TNS3: variants seen among roughly 807,000 people sequenced by gnomAD.
The protein encoded by TNS3 is tensin 3, also known as tensin-3.
A neutral mutation model predicts 140.9 loss-of-function variants in TNS3; 45 were observed. The observed-to-expected ratio is 0.32, with a 90% CI of 0.25 to 0.41. The LOEUF (loss-of-function observed/expected upper bound fraction) is 0.41. TNS3 is among the 10% of genes least tolerant of loss of function. TNS3 has a pLI of 1.00. For missense variants in TNS3, 1,716 were observed against 1,906.7 expected (o/e 0.90, Z 1.86); for synonymous variants, 815 against 788.4 (o/e 1.03, Z -0.56).
intron 1 of TNS3, among the ~76,000 whole-genome samples, chr7:47,558,409 C>T (rs1800252784): frequency 6.6e-6 from 1 of 151,882 alleles, no homozygotes; most frequent in Non-Finnish European, 1.5e-5. Flanking sequence ...GTCCCACACC[C>T]TCCTCCATGC....
chr7:47,361,070 T>C, intron 17 of TNS3, among the ~76,000 whole-genome samples: 1 of 151,334 alleles, frequency 6.6e-6, no homozygotes, highest in Non-Finnish European at 1.5e-5. Flanking sequence ...CTCTGCAGAG[T>C]TGGAGGCCAA....
intron 13 of TNS3, chr7:47,405,602 A>C (rs772409966): frequency 1.3e-5 from 9 of 702,988 alleles, no homozygotes; most frequent in Non-Finnish European, 1.3e-5. Context: ...TGCAAACGAA[A>C]ACACAACCAA....
chr7:47,426,845 G>C (rs939531147), intron 9 of TNS3, among the ~76,000 whole-genome samples: 11 of 152,152 alleles, frequency 7.2e-5, no homozygotes, highest in Admixed American at 6.5e-4. Context: ...CTCAGGTGTG[G>C]CTGGGCGTGG....
At chr7:47,428,521 G>T in intron 8 of TNS3, 145 bp from the exon 9 acceptor site, 1 of 518,976 alleles carries the variant, frequency 1.9e-6, no homozygotes. Context: ...CTTCCTGTCT[G>T]GGAAAGTCAG....
intron 2 of TNS3, among the ~76,000 whole-genome samples, chr7:47,514,529 C>T (rs1404861940): frequency 2.0e-5 from 3 of 152,162 alleles, no homozygotes; most frequent in African/African-American, 7.2e-5. Context: ...CTCCCTTCAT[C>T]CCACTTTCCC....
chr7:47,435,302 C>A lies in TNS3; in HGVS notation c.304G>T (p.Val102Leu). ...CTCACCCTGCAGTGAATGACGACCA[C>A]ATGCTGGAGGTTGCTGTTCAGCCAG... ...ESWLNSNLQH[V>L]VVIHCRGGKG... Residue 102 changes from valine to leucine, a missense_variant, in exon 8 of 31, where the codon GTG becomes TTG. By Grantham distance (32) the Val-to-Leu change is conservative (BLOSUM62 1). This residue lies in a region of TNS3 where 337 missense variants were observed against 428.9 expected (regional missense o/e 0.79). Transcript: ENST00000311160. The A allele has an allele frequency of 2.5e-6, 4 of 1,614,148 alleles. No homozygotes were observed. Among genetic ancestry groups the A allele is most frequent in the Non-Finnish European group, 2.5e-6 (3 of 1,180,026 alleles).
chr7:47,328,972 AG>A (rs746011977), intron 20 of TNS3, among the ~76,000 whole-genome samples: 27 of 152,296 alleles, frequency 1.8e-4, no homozygotes, highest in Non-Finnish European at 2.8e-4. Flanking sequence ...CTCATCTAAA[AG>A]GCCAAACTCC....
At chr7:47,396,975 A>C in intron 15 of TNS3, 71 bp from the exon 16 acceptor site, 4 of 1,133,662 alleles carry the variant, frequency 3.5e-6, no homozygotes, top group Non-Finnish European at 5.4e-6. Context: ...ACTCCACCAT[A>C]AGGACAGGTG....
intron 10 of TNS3, among the ~76,000 whole-genome samples, chr7:47,420,000 T>C (rs1448068443): frequency 6.6e-6 from 1 of 152,186 alleles, no homozygotes; most frequent in African/African-American, 2.4e-5. Context: ...ATTAAACTCT[T>C]TCTCTACTGC....
intron 12 of TNS3, 98 bp downstream of exon 12, chr7:47,413,839 C>A: frequency 6.8e-7 from 1 of 1,473,210 alleles, no homozygotes; most frequent in Non-Finnish European, 9.4e-7. Flanking sequence ...CCTGAACCCT[C>A]CCACACTCTT....
intron 3 of TNS3, among the ~76,000 whole-genome samples, chr7:47,489,623 G>A (rs367951039): frequency 6.6e-6 from 1 of 152,316 alleles, no homozygotes; most frequent in African/African-American, 2.4e-5. Flanking sequence ...CCACTGGTAG[G>A]GAATATAATA....
chr7:47,392,969 T>G (rs1792614895), intron 16 of TNS3, among the ~76,000 whole-genome samples: 1 of 151,798 alleles, frequency 6.6e-6, no homozygotes, highest in African/African-American at 2.4e-5. Flanking sequence ...CCTGCAGGAG[T>G]GCAGCAATAA....
In TNS3 at chr7:47,401,202, C is replaced by A. The variant is rs112052163; in HGVS notation, c.724-288G>T. Among the ~76,000 whole-genome samples, 338 of 152,344 alleles carry A rather than the reference C, an allele frequency of 2.2e-3. 2 individuals are homozygous for A. Among genetic ancestry groups the A allele is most frequent in the African/African-American group, 8.0e-3 (331 of 41,578 alleles). On this transcript the variant is annotated intron_variant, in intron 13 of 30. Transcript: ENST00000311160. ...ACCGCAGCTCTGAACACCACTATCGCTAGTCCTCAGAGAGGCCACACCTAA... is the reference window on the plus strand; with the variant it reads ...ACCGCAGCTCTGAACACCACTATCGATAGTCCTCAGAGAGGCCACACCTAA...
In TNS3 at chr7:47,280,203, A is replaced by C; in HGVS notation, c.4167-13T>G. ...ATCTTTGATCCACCTTGCAAATTAAAGAGAAAAACAGAGGTTAATTTTTTT... is the reference window on the plus strand; with the variant it reads ...ATCTTTGATCCACCTTGCAAATTAACGAGAAAAACAGAGGTTAATTTTTTT... On this transcript the variant is annotated splice_polypyrimidine_tract_variant and intron_variant, in intron 29 of 30. Coordinates refer to ENST00000311160, the MANE Select transcript of TNS3 (RefSeq NM_022748.12). 6.2e-7 allele frequency: 1 copy of C among 1,614,214 alleles called. No homozygotes were observed.
chr7:47,429,714 C>G (rs932093013), intron 8 of TNS3, among the ~76,000 whole-genome samples: 11 of 152,170 alleles, frequency 7.2e-5, no homozygotes, highest in Non-Finnish European at 1.3e-4. Flanking sequence ...AACCCCTGAT[C>G]TGGAATCATA....
chr7:47,435,053 T>C (rs552644412), intron 8 of TNS3, among the ~76,000 whole-genome samples: 2 of 152,336 alleles, frequency 1.3e-5, no homozygotes, highest in South Asian at 2.1e-4. Context: ...AATGTCCAGC[T>C]ACACATTCAG....
chr7:47,512,657 G>C (rs1053960768), intron 2 of TNS3, among the ~76,000 whole-genome samples: 2 of 152,224 alleles, frequency 1.3e-5, no homozygotes, highest in Middle Eastern at 3.4e-3. Context: ...AATGACACTG[G>C]AGAGAGACCT....
chr7:47,360,293 C>T (rs1418483046), intron 17 of TNS3, among the ~76,000 whole-genome samples: 1 of 152,108 alleles, frequency 6.6e-6, no homozygotes, highest in Non-Finnish European at 1.5e-5. Context: ...TGGAGAGGAG[C>T]TGTGTCTAGT....
intron 3 of TNS3, among the ~76,000 whole-genome samples, chr7:47,502,005 G>A (rs1296481909): frequency 3.3e-5 from 5 of 152,144 alleles, no homozygotes. Context: ...AGGTTCTGTA[G>A]GCATACGAGC....
Sources: allele counts gnomAD v4.1 joint callset (sites outside exome capture counted in the v4.1 genomes callset), GRCh38; gene constraint gnomAD v4.1.1; regional missense constraint gnomAD v4.1.1; transcripts MANE v1.5; gene names NCBI Gene and HGNC (gene_info 2026-07-23, HGNC 2026-07-21).